Variants in RBM38 observed in about 807,000 individuals in gnomAD.
RBM38 encodes the protein RNA binding motif protein 38, also known as RNA-binding protein 38.
In RBM38, 11 loss-of-function variants were observed where a neutral mutation model predicts 23.5. That is an observed-to-expected ratio of 0.47 (90% confidence interval 0.29 to 0.77). The LOEUF (loss-of-function observed/expected upper bound fraction) is 0.77, where lower values mean the gene tolerates loss of function less well. Ranked by LOEUF, RBM38 falls within the 30% of genes least tolerant of loss-of-function variation. RBM38 has a pLI of 0.08. For synonymous variants in RBM38, 165 were observed against 166.1 expected, an observed-to-expected ratio of 0.99 and a Z score of 0.05; for missense variants, 330 against 351.9, an observed-to-expected ratio of 0.94 and a Z score of 0.50.
rs994612264 is a variant in RBM38, at chr20:57,391,803, C to T, written c.222C>T (p.Ser74=). ...TCACCGACCGCCAGACGGGCAAGTCCCGCGGCTACGGCTTCGTAAGTGGCC... is the reference window on the plus strand; with the variant it reads ...TCACCGACCGCCAGACGGGCAAGTCTCGCGGCTACGGCTTCGTAAGTGGCC... ...VVITDRQTGK[S]RGYGFVTMAD... is the part of the protein sequence containing the mutation. Residue 74 remains serine, a synonymous_variant, in exon 1 of 4, where the codon TCC becomes TCT. Transcript: ENST00000356208. The T allele has an allele frequency of 3.2e-6, 5 of 1,559,734 alleles. No homozygotes were observed. The highest frequency in any genetic ancestry group is 4.3e-6 in the Non-Finnish European group (5 of 1,153,008).
intron 3 of RBM38, among the ~76,000 whole-genome samples, chr20:57,399,478 AGAG>A (rs1163060705): frequency 2.6e-5 from 4 of 152,202 alleles, no homozygotes; most frequent in African/African-American, 9.7e-5. Flanking sequence ...TGGGAAAGAA[AGAG>A]GAGTCCAAGA....
rs558256474 is a variant in RBM38, at chr20:57,394,832, C to G, written c.416+1499C>G. Among the ~76,000 whole-genome samples the G allele has an allele frequency of 2.9e-3, 439 of 152,248 alleles. 2 individuals are homozygous for G. Among genetic ancestry groups the G allele is most frequent in the African/African-American group, 0.01 (417 of 41,540 alleles). On this transcript the variant is annotated intron_variant, in intron 3 of 3. Transcript: ENST00000356208. Reference sequence around the variant, plus strand: ...CATGGACTGGGCGGGAGCAGCTGCCCAGAGGTGAGGGTGTGTGCCTCCAGT... The same window carrying G: ...CATGGACTGGGCGGGAGCAGCTGCCGAGAGGTGAGGGTGTGTGCCTCCAGT...
In RBM38 at chr20:57,391,536, G is replaced by A. The variant is rs1165268414; in HGVS notation, c.-46G>A. Reference sequence around the variant, plus strand: ...GCGCGCTCCCCGCCGCCCCCCATGAGCGCAGCCCCGCGCGGCCCGGGTCCG... The same window carrying A: ...GCGCGCTCCCCGCCGCCCCCCATGAACGCAGCCCCGCGCGGCCCGGGTCCG... On this transcript the variant is annotated 5_prime_UTR_variant, in exon 1 of 4. Coordinates refer to ENST00000356208, the MANE Select transcript of RBM38 (RefSeq NM_017495.6). 33 of 707,826 alleles carry A rather than the reference G, an allele frequency of 4.7e-5. No homozygotes were observed. In the East Asian group the frequency reaches 3.2e-3, roughly 70 times the overall value. 43.8% of individuals were successfully genotyped at this position (707,826 alleles called of 1,614,324 possible). A position where few individuals can be genotyped will look rare whatever the true frequency, so the allele number is the denominator to read the frequency against.
intron 3 of RBM38, among the ~76,000 whole-genome samples, chr20:57,403,570 TCTCTGAAC>T (rs1336210293): frequency 6.6e-6 from 1 of 151,916 alleles, no homozygotes; most frequent in Non-Finnish European, 1.5e-5. Context: ...GCTTGGGGCC[TCTCTGAAC>T]CTCGGATTTC....
At chr20:57,403,040 G>A (rs946927794) in intron 3 of RBM38, among the ~76,000 whole-genome samples, 1 of 152,202 alleles carries the variant, frequency 6.6e-6, no homozygotes, top group Admixed American at 6.5e-5. Flanking sequence ...TGTAGGAAGC[G>A]GTCAGCACCC....
Position 57,407,447 on chromosome 20 carries a change from G to A in RBM38, c.417-96G>A, listed in dbSNP as rs1024063188. ...TGACCGATGAGGAAAGTCGGGGCTC[G>A]GGGTGGGGGGCGGCACGCATCGTGT... On this transcript the variant is annotated intron_variant, in intron 3 of 3. Transcript: ENST00000356208. This position sits in a 1 kb window ranked among gnomAD's most constrained non-coding sequence, Gnocchi z 4.0. 1.2e-5 allele frequency: 16 copies of A among 1,375,060 alleles called. No individual in the cohort carries two copies. The East Asian group carries it at 1.5e-4, about 13-fold the overall frequency. The allele number at this position is 1,375,060 out of a possible 1,614,324, so 85.2% of individuals were successfully genotyped here.
In RBM38 at chr20:57,391,464, CCG is replaced by C. The variant is rs767145215; in HGVS notation, c.-117_-116del. 161,747 of 162,446 alleles carry C rather than the reference CCG, an allele frequency of 1. 80,791 individuals carry two copies. Among genetic ancestry groups the C allele is most frequent in the Admixed American group, 1 (14,793 of 14,798 alleles). The allele number at this position is 162,446 out of a possible 1,614,324, so 10.1% of individuals were successfully genotyped here. A position where few individuals can be genotyped will look rare whatever the true frequency, so the allele number is the denominator to read the frequency against. ...GTCGGCGCGCACGGCGGGACGGGCG[CCG>C]GAGTGGTCGGGCCTGGCGGCTGGAC... On this transcript the variant is annotated 5_prime_UTR_variant, in exon 1 of 4. Coordinates refer to ENST00000356208, the MANE Select transcript of RBM38 (RefSeq NM_017495.6).
intron 3 of RBM38, among the ~76,000 whole-genome samples, chr20:57,394,453 G>A (rs1335494595): frequency 6.6e-6 from 1 of 152,172 alleles, no homozygotes; most frequent in Non-Finnish European, 1.5e-5. Context: ...CGTGTGTATT[G>A]GTGGATGTGT....
At chr20:57,393,057 G>A (rs439749) in intron 2 of RBM38, 416,514 of 643,348 alleles carry the variant, frequency 0.65, 140,118 homozygotes, top group East Asian at 0.96. Flanking sequence ...CCTGGAGGTT[G>A]GGAGTGCCGA....
At chr20:57,398,810 C>A (rs1200831133) in intron 3 of RBM38, among the ~76,000 whole-genome samples, 3 of 152,248 alleles carry the variant, frequency 2.0e-5, no homozygotes, top group African/African-American at 7.2e-5. Context: ...TGATCACAGA[C>A]TGAGTGGAGG....
Position 57,407,669 on chromosome 20 carries a change from G to T in RBM38, c.543G>T (p.Gln181His). The T allele has an allele frequency of 6.2e-7, 1 of 1,613,128 alleles. No individual in the cohort carries two copies. The highest frequency in any genetic ancestry group is 8.5e-7 in the Non-Finnish European group (1 of 1,179,718). The change falls in exon 4 of 4, where the codon CAG becomes CAT. Residue 181 changes from glutamine to histidine, a missense_variant. Gln to His is a conservative substitution (Grantham distance 24). Around this residue, in one of 3 missense-constraint regions of RBM38, gnomAD observed 227 missense variants for 216.4 expected, o/e 1.05. Transcript: ENST00000356208. The surrounding 1 kb of genome is among the most constrained non-coding windows in gnomAD (Gnocchi z 4.0). ...EYTPASPAYA[Q>H]YPPATYDQYP... is the part of the protein sequence containing the mutation. ...CGCCGGCCAGCCCGGCCTACGCCCA[G>T]TACCCACCGGCCACCTATGACCAGT...
chr20:57,396,989 C>T (rs1175384614), intron 3 of RBM38, among the ~76,000 whole-genome samples: 1 of 152,202 alleles, frequency 6.6e-6, no homozygotes, highest in Non-Finnish European at 1.5e-5. Flanking sequence ...AGGACACGGC[C>T]ACCACAGGGG....
In RBM38 at chr20:57,407,900, C is replaced by T; in HGVS notation, c.*54C>T. On this transcript the variant is annotated 3_prime_UTR_variant, in exon 4 of 4. Coordinates refer to ENST00000356208, the MANE Select transcript of RBM38 (RefSeq NM_017495.6). The surrounding 1 kb of genome is among the most constrained non-coding windows in gnomAD (Gnocchi z 4.0). ...ATTGTCACCTTCACAGCAGACAGAG[C>T]TGCCAGGCCATGATGGGCTGGCGAC... 5 of 1,501,678 alleles carry T rather than the reference C, an allele frequency of 3.3e-6. No homozygotes were observed. The South Asian group carries it at 3.8e-5, about 11-fold the overall frequency. The allele number at this position is 1,501,678 out of a possible 1,614,324, so 93.0% of individuals were successfully genotyped here.
In RBM38 at chr20:57,402,292, TCTC is replaced by T. The variant is rs1406989265; in HGVS notation, c.417-5249_417-5247del. Among the ~76,000 whole-genome samples, 24 of 152,040 alleles carry T rather than the reference TCTC, an allele frequency of 1.6e-4. 1 individual carries two copies. Among genetic ancestry groups the T allele is most frequent in the Admixed American group, 1.5e-3 (23 of 15,276 alleles). ...TGAAGGATTCAGGGATGGAGGCAGG[TCTC>T]CACCACCACCAAGGCAGGGCCACGC... On this transcript the variant is annotated intron_variant, in intron 3 of 3. Transcript: ENST00000356208.
rs753286842 is a variant in RBM38, at chr20:57,393,323, C to T, written c.406C>T (p.Arg136Trp). Residue 136 changes from arginine (R) to tryptophan (W), a missense_variant, in exon 3 of 4, where the codon CGG becomes TGG. Around this residue, in one of 3 missense-constraint regions of RBM38, gnomAD observed 227 missense variants for 216.4 expected, o/e 1.05. Transcript: ENST00000356208. ...GCAGCTGCACCCCACCTTGATCCAG[C>T]GGACTTACGGGTGAGTGGACATGGC... ...VQQLHPTLIQ[R>W]TYGLTPHYIY... 3 of 1,613,836 alleles carry T rather than the reference C, an allele frequency of 1.9e-6. No homozygotes were observed. Among genetic ancestry groups the T allele is most frequent in the South Asian group, 1.1e-5 (1 of 91,086 alleles).
rs768051681 is a variant in RBM38, at chr20:57,391,716, T to C, written c.135T>C (p.Thr45=). The C allele has an allele frequency of 1.3e-6, 2 of 1,535,994 alleles. No individual in the cohort carries two copies. The highest frequency in any genetic ancestry group is 2.0e-5 in the Admixed American group (1 of 50,474). ...KIFVGGLPYH[T]TDASLRKYFE... ...TCGTGGGCGGCCTGCCGTACCACAC[T>C]ACCGACGCCTCGCTCAGGAAGTACT... The change falls in exon 1 of 4, where the codon ACT becomes ACC. Residue 45 remains threonine (T), a synonymous_variant. Transcript: ENST00000356208.
intron 1 of RBM38, among the ~76,000 whole-genome samples, 194 bp downstream of exon 1, chr20:57,392,012 G>GCCCCCACCCCCACCCCCA (rs539739783): frequency 6.3e-5 from 5 of 79,584 alleles, no homozygotes; most frequent in Non-Finnish European, 9.8e-5. Context: ...CCAGGCCCCG[G>GCCCCCACCCCCACCCCCA]CCCCCACCCC....
chr20:57,394,831 C>T (rs2067258148), intron 3 of RBM38, among the ~76,000 whole-genome samples: 2 of 152,126 alleles, frequency 1.3e-5, no homozygotes, highest in African/African-American at 4.8e-5. Context: ...GAGCAGCTGC[C>T]CAGAGGTGAG....
At chr20:57,391,891 G>T (rs527505182) in intron 1 of RBM38, 73 bp downstream of exon 1, 1 of 1,159,492 alleles carries the variant, frequency 8.6e-7, no homozygotes, top group Non-Finnish European at 1.1e-6. Context: ...AGTCCACTCC[G>T]GGGCACACGC....
Sources: gnomAD v4.1 joint callset for allele counts (sites outside exome capture counted in the v4.1 genomes callset) on GRCh38, gnomAD v4.1.1 for gene constraint, gnomAD v4.1.1 regional missense constraint, Gnocchi (gnomAD v3.1) non-coding constraint, MANE v1.5 for transcripts, NCBI Gene and HGNC (gene_info 2026-07-23, HGNC 2026-07-21) for gene names.